Variants in PPP6R2 observed in about 807,000 individuals in gnomAD.
PPP6R2 encodes the protein protein phosphatase 6 regulatory subunit 2.
PPP6R2 carries 62 observed loss-of-function variants against 100.2 expected under a neutral mutation model. The ratio of observed to expected loss-of-function variants is 0.62; its 90% CI spans 0.50 to 0.76. The LOEUF (loss-of-function observed/expected upper bound fraction) is 0.76, where lower values mean the gene tolerates loss of function less well. PPP6R2 is among the 30% of genes least tolerant of loss of function. The pLI is 0.00. For missense variants in PPP6R2, 1,142 were observed against 1,276.3 expected, an observed-to-expected ratio of 0.89 and a Z score of 1.60; for synonymous variants, 525 against 514.7, an observed-to-expected ratio of 1.02 and a Z score of -0.27.
At chr22:50,438,913 C>G in intron 19 of PPP6R2, 151 bp downstream of exon 19, 4 of 881,572 alleles carry the variant, frequency 4.5e-6, no homozygotes. Context: ...CCCAGCCGTC[C>G]TGAGTAGGGG....
the PPP6R2 span, among the ~76,000 whole-genome samples, chr22:50,336,160 T>A: frequency 6.6e-6 from 1 of 151,482 alleles, no homozygotes; most frequent in Non-Finnish European, 1.5e-5. Flanking sequence ...AATTTTGTTT[T>A]TGTATTTTTA....
chr22:50,353,040 G>T (rs1256491348), intron 1 of PPP6R2, among the ~76,000 whole-genome samples: 1 of 152,186 alleles, frequency 6.6e-6, no homozygotes, highest in African/African-American at 2.4e-5. Flanking sequence ...TTCCAGCCTG[G>T]GCAACAGAGT....
intron 1 of PPP6R2, among the ~76,000 whole-genome samples, chr22:50,367,274 G>A (rs184005007): frequency 7.2e-4 from 109 of 152,214 alleles, no homozygotes; most frequent in African/African-American, 2.6e-3. Flanking sequence ...AGTATGTAGC[G>A]AAGATGATGG....
intron 6 of PPP6R2, among the ~76,000 whole-genome samples, chr22:50,416,839 C>G (rs2060611892): frequency 6.6e-6 from 1 of 151,422 alleles, no homozygotes; most frequent in African/African-American, 2.4e-5. Context: ...GCCTGTAATC[C>G]CAGCCACTCA....
At position 50,438,163 on chromosome 22, in the gene PPP6R2, T is replaced by C. The variant is rs1234286029; in HGVS notation, c.1840-11T>C. On this transcript the variant is annotated splice_polypyrimidine_tract_variant and intron_variant, in intron 17 of 23. Transcript: ENST00000612753. ...CCCTCTGGAAACTCACCTTGGCGTTTTACTCTGCAGCCCAGCGCAGCTCTG... is the reference window on the plus strand; with the variant it reads ...CCCTCTGGAAACTCACCTTGGCGTTCTACTCTGCAGCCCAGCGCAGCTCTG... The C allele has an allele frequency of 6.2e-7, 1 of 1,606,440 alleles. No individual in the cohort carries two copies. Among genetic ancestry groups the C allele is most frequent in the Admixed American group, 1.7e-5 (1 of 58,558 alleles).
chr22:50,416,125 G>C lies in PPP6R2; in HGVS notation c.586G>C (p.Val196Leu), dbSNP rs765743536. The change falls in exon 6 of 24, where the codon GTG (valine) becomes CTG (leucine). Residue 196 changes from valine (V) to leucine (L), a missense_variant. Around this residue, in one of 2 missense-constraint regions of PPP6R2, gnomAD observed 592 missense variants for 758.9 expected, o/e 0.78. Coordinates refer to ENST00000612753, the MANE Select transcript of PPP6R2 (RefSeq NM_001242898.2). ...LNEEKVIQRLVELIHPSQDED... is the reference protein window; with the variant it reads ...LNEEKVIQRLLELIHPSQDED... ...TGAAGAGAAGGTCATCCAGAGGCTT[G>C]TGGAGTTGATCCACCCGAGCCAGGA... 1 of 1,612,866 alleles carries C rather than the reference G, an allele frequency of 6.2e-7. No homozygotes were observed.
chr22:50,402,065 G>C (rs984079422), intron 3 of PPP6R2, among the ~76,000 whole-genome samples: 1 of 152,030 alleles, frequency 6.6e-6, no homozygotes, highest in South Asian at 2.1e-4. Flanking sequence ...GTTTCCTTCT[G>C]TTCTCTACAC....
In PPP6R2 at chr22:50,441,648, G is replaced by T. The variant is rs1223666969; in HGVS notation, c.2579+622G>T. The stretch of plus-strand genomic sequence containing the variant: ...GGAGGCAGCTTGCAGGCTGGCAGAG[G>T]CCCAGGCTCCCTTGAGCCCCCAAGA... On this transcript the variant is annotated intron_variant, in intron 22 of 23. Coordinates refer to ENST00000612753, the MANE Select transcript of PPP6R2 (RefSeq NM_001242898.2). Among the ~76,000 whole-genome samples the T allele has an allele frequency of 2.7e-5, 4 of 149,978 alleles. 1 individual carries two copies. Among genetic ancestry groups the T allele is most frequent in the Admixed American group, 1.4e-4 (2 of 14,812 alleles).
chr22:50,370,490 T>C (rs1298617099), intron 1 of PPP6R2, among the ~76,000 whole-genome samples: 4 of 151,750 alleles, frequency 2.6e-5, no homozygotes, highest in Non-Finnish European at 5.9e-5. Flanking sequence ...GGTTTCACTA[T>C]GTTGGCCAGA....
At chr22:50,342,544 G>T (rs551907660), upstream of PPP6R2, among the ~76,000 whole-genome samples, 3 of 152,322 alleles carry the variant, frequency 2.0e-5, no homozygotes, top group East Asian at 1.9e-4. Flanking sequence ...TATTTGAGCC[G>T]CCCAGATACG....
At position 50,438,233 on chromosome 22, in the gene PPP6R2, TGAGGAC is replaced by T; in HGVS notation, c.1906_1911del (p.Glu636_Asp637del). 1 of 1,613,856 alleles carries T rather than the reference TGAGGAC, an allele frequency of 6.2e-7. No homozygotes were observed. Among genetic ancestry groups the T allele is most frequent in the Non-Finnish European group, 8.5e-7 (1 of 1,179,958 alleles). On this transcript the variant is annotated inframe_deletion, in exon 18 of 24. Transcript: ENST00000612753. ...ACCGCATCCAGCCCTTTGATGATGATGAGGACGAGGACATCTGGGAGGACAGTGACA... is the reference window on the plus strand; with the variant it reads ...ACCGCATCCAGCCCTTTGATGATGATGAGGACATCTGGGAGGACAGTGACA...
intron 3 of PPP6R2, among the ~76,000 whole-genome samples, chr22:50,405,853 T>C (rs1216919345): frequency 2.8e-5 from 2 of 71,046 alleles, no homozygotes; most frequent in Admixed American, 1.8e-4. Flanking sequence ...TGGAGGGAGG[T>C]GAGAGGCCTG....
chr22:50,437,977 C>T (rs2064752155), intron 17 of PPP6R2, 77 bp downstream of exon 17: 1 of 1,554,850 alleles, frequency 6.4e-7, no homozygotes, highest in African/African-American at 1.4e-5. Context: ...CTCGGTCTGT[C>T]ATGGGCCTGT....
At chr22:50,425,658 C>T (rs906638298) in intron 10 of PPP6R2, among the ~76,000 whole-genome samples, 2 of 152,106 alleles carry the variant, frequency 1.3e-5, no homozygotes, top group African/African-American at 4.8e-5. Context: ...CCCCTCATCC[C>T]GCCGACACTT....
chr22:50,347,281 G>T (rs189729594), intron 1 of PPP6R2, among the ~76,000 whole-genome samples: 20 of 152,092 alleles, frequency 1.3e-4, no homozygotes, highest in Non-Finnish European at 5.9e-5. Context: ...TCTCCCCACT[G>T]CTTCTCTCCT....
At chr22:50,404,489 C>G (rs2058531646) in intron 3 of PPP6R2, among the ~76,000 whole-genome samples, 1 of 151,936 alleles carries the variant, frequency 6.6e-6, no homozygotes, top group African/African-American at 2.4e-5. Context: ...CTCCCGGGCT[C>G]AAGCCATCCT....
At chr22:50,401,300 G>C (rs569022518) in intron 3 of PPP6R2, among the ~76,000 whole-genome samples, 1 of 137,954 alleles carries the variant, frequency 7.2e-6, no homozygotes, top group Non-Finnish European at 1.6e-5. Context: ...CTTCACCTCC[G>C]GGTTCACGCC....
intron 2 of PPP6R2, among the ~76,000 whole-genome samples, chr22:50,388,469 T>C (rs551103176): frequency 5.3e-5 from 8 of 151,132 alleles, no homozygotes; most frequent in African/African-American, 1.7e-4. Flanking sequence ...GGGAGGCTGA[T>C]GTGGGAGGGT....
rs796163755 is a variant in PPP6R2 at position 50,346,498 on chromosome 22, A to G, written c.-148+2948A>G. Among the ~76,000 whole-genome samples, 353 of 37,362 alleles carry G rather than the reference A, an allele frequency of 9.4e-3. 3 individuals are homozygous for G. The highest frequency in any genetic ancestry group is 0.06 in the Middle Eastern group (3 of 50). 24.5% of individuals were successfully genotyped at this position (37,362 alleles called of 152,430 possible). On this transcript the variant is annotated intron_variant, in intron 1 of 23. Transcript: ENST00000612753. ...GGCCCCCTCCAGTCAGTTCCCTCCCAGTCAGTCAGTGCCCCCCCAGTCAGT... is the reference window on the plus strand; with the variant it reads ...GGCCCCCTCCAGTCAGTTCCCTCCCGGTCAGTCAGTGCCCCCCCAGTCAGT...
Sources: allele counts gnomAD v4.1 joint callset (sites outside exome capture counted in the v4.1 genomes callset), GRCh38; gene constraint gnomAD v4.1.1; regional missense constraint gnomAD v4.1.1; transcripts MANE v1.5; gene names NCBI Gene and HGNC (gene_info 2026-07-23, HGNC 2026-07-21).